FBXO11: variants seen among roughly 807,000 people sequenced by gnomAD.
FBXO11 encodes the protein F-box only protein 11.
In FBXO11, 13 loss-of-function variants were observed where a neutral mutation model predicts 117.0. That is an observed-to-expected ratio of 0.11 (90% CI 0.07 to 0.18). FBXO11 has a LOEUF of 0.18. FBXO11 is among the 10% of genes least tolerant of loss of function. The probability of loss-of-function intolerance (pLI) is 1.00; values close to 1 mark genes in which losing one functional copy is unlikely to be tolerated. For missense variants in FBXO11, 767 were observed against 1,164.4 expected, an observed-to-expected ratio of 0.66 and a Z score of 4.97; for synonymous variants, 490 against 380.5, an observed-to-expected ratio of 1.29 and a Z score of -3.35.
At position 47,905,634 on chromosome 2, in the gene FBXO11, C is replaced by CTGCGGGGGCTGCTGCTGCTGT; in HGVS notation, c.66_86dup (p.Gln24_Gln30dup). The CTGCGGGGGCTGCTGCTGCTGT allele has an allele frequency of 7.1e-7, 1 of 1,417,218 alleles. No homozygotes were observed. 87.8% of individuals were successfully genotyped at this position (1,417,218 alleles called of 1,614,324 possible). On this transcript the variant is annotated inframe_insertion, in exon 1 of 23. Coordinates refer to ENST00000403359, the MANE Select transcript of FBXO11 (RefSeq NM_001190274.2). ...GCTGGGGCGGCTGCGGCGGCGGCTGCTGCGGGGGCTGCTGCTGCTGTTGCT... is the reference window on the plus strand; with the variant it reads ...GCTGGGGCGGCTGCGGCGGCGGCTGCTGCGGGGGCTGCTGCTGCTGTTGCGGGGGCTGCTGCTGCTGTTGCT...
At chr2:47,900,096 G>A (rs916705726) in intron 1 of FBXO11, among the ~76,000 whole-genome samples, 2 of 152,080 alleles carry the variant, frequency 1.3e-5, no homozygotes, top group Admixed American at 1.3e-4. Context: ...AGGGAGAAAA[G>A]CAGGATAAGA....
At chr2:47,891,476 C>G (rs1355423185) in intron 1 of FBXO11, among the ~76,000 whole-genome samples, 1 of 152,200 alleles carries the variant, frequency 6.6e-6, no homozygotes, top group Non-Finnish European at 1.5e-5. Context: ...GAATAACATT[C>G]CATTGCATGT....
At chr2:47,887,346 T>C (rs1418560675) in intron 1 of FBXO11, among the ~76,000 whole-genome samples, 2 of 151,622 alleles carry the variant, frequency 1.3e-5, no homozygotes, top group Non-Finnish European at 2.9e-5. Context: ...TTTTTTTTTT[T>C]CTTTTCAAAA....
intron 17 of FBXO11, 141 bp downstream of exon 17, chr2:47,813,650 C>A: frequency 1.5e-6 from 1 of 655,324 alleles, no homozygotes; most frequent in East Asian, 3.0e-5. Context: ...CCAGGCTGGT[C>A]TTAAACTCCT....
intron 14 of FBXO11, 33 bp downstream of exon 14, chr2:47,820,329 T>C (rs780423522): frequency 7.8e-6 from 12 of 1,536,896 alleles, no homozygotes; most frequent in Non-Finnish European, 1.1e-5. Context: ...TTTTGATGCA[T>C]GAGTTTATAG....
chr2:47,902,458 T>C (rs548561196), intron 1 of FBXO11, among the ~76,000 whole-genome samples: 2 of 152,280 alleles, frequency 1.3e-5, no homozygotes, highest in African/African-American at 2.4e-5. Flanking sequence ...TTTTAATCTA[T>C]AGGGTCTAGT....
At chr2:47,811,118 T>G (rs985302040) in intron 18 of FBXO11, 3 of 152,256 alleles carry the variant, frequency 2.0e-5, no homozygotes, top group Non-Finnish European at 4.4e-5. Flanking sequence ...CTTCTTGGGG[T>G]CCTCCTCCTG....
intron 1 of FBXO11, among the ~76,000 whole-genome samples, chr2:47,851,617 A>C (rs1249741712): frequency 6.6e-6 from 1 of 152,224 alleles, no homozygotes; most frequent in Admixed American, 6.5e-5. Flanking sequence ...TATGTAAACA[A>C]ATAAAGCAAT....
At chr2:47,874,186 T>A (rs1675829521) in intron 1 of FBXO11, among the ~76,000 whole-genome samples, 1 of 152,108 alleles carries the variant, frequency 6.6e-6, no homozygotes, top group Non-Finnish European at 1.5e-5. Context: ...TGCACTCCAG[T>A]CCGGACGATA....
Position 47,855,069 on chromosome 2 carries a change from T to C in FBXO11, c.233-15300A>G, listed in dbSNP as rs566478061. 2.6e-5 allele frequency among the ~76,000 whole-genome samples: 4 copies of C among 152,262 alleles called. No individual in the cohort carries two copies. In the East Asian group the frequency reaches 7.7e-4, roughly 29 times the overall value. ...ACAAAATAGAACATGAAATCAGGAA[T>C]CACTTTCTAGAATTGTGAGATCACT... On this transcript the variant is annotated intron_variant, in intron 1 of 22. Coordinates refer to ENST00000403359, the MANE Select transcript of FBXO11 (RefSeq NM_001190274.2).
chr2:47,861,080 C>T (rs368557983), intron 1 of FBXO11, among the ~76,000 whole-genome samples: 2 of 150,620 alleles, frequency 1.3e-5, no homozygotes, highest in African/African-American at 2.4e-5. Flanking sequence ...GAACTCCCAA[C>T]CTCAGGTGAT....
chr2:47,884,259 A>G (rs1173603704), intron 1 of FBXO11, among the ~76,000 whole-genome samples: 3 of 152,092 alleles, frequency 2.0e-5, no homozygotes, highest in Non-Finnish European at 4.4e-5. Flanking sequence ...ATACAGAGAA[A>G]AGCTGGTTCC....
chr2:47,858,321 G>A (rs563066771), intron 1 of FBXO11, among the ~76,000 whole-genome samples: 1 of 151,378 alleles, frequency 6.6e-6, no homozygotes. Flanking sequence ...ACTTATCCAA[G>A]TTTTCATGTA....
intron 1 of FBXO11, among the ~76,000 whole-genome samples, chr2:47,851,362 G>T (rs576425179): frequency 6.6e-6 from 1 of 151,982 alleles, no homozygotes; most frequent in Non-Finnish European, 1.5e-5. Flanking sequence ...AAGTAGCTGG[G>T]ACTACTAATT....
At chr2:47,847,492 T>G (rs898978952) in intron 1 of FBXO11, among the ~76,000 whole-genome samples, 1 of 151,470 alleles carries the variant, frequency 6.6e-6, no homozygotes, top group Non-Finnish European at 1.5e-5. Context: ...GAGGATCATT[T>G]GAGGTCTGGA....
At position 47,807,847 on chromosome 2, in the gene FBXO11, G is replaced by T. The variant is rs1670330839; in HGVS notation, c.*271C>A. The stretch of plus-strand genomic sequence containing the variant: ...AAAAACACCAGCTTTTCAGAAGTTG[G>T]TATCTGTACAAAATTGCAGCTTATT... On this transcript the variant is annotated 3_prime_UTR_variant, in exon 23 of 23. Coordinates refer to ENST00000403359, the MANE Select transcript of FBXO11 (RefSeq NM_001190274.2). The T allele has an allele frequency of 1.9e-5, 6 of 315,894 alleles. No individual in the cohort carries two copies. Among genetic ancestry groups the T allele is most frequent in the Non-Finnish European group, 3.5e-5 (6 of 169,944 alleles). 19.6% of individuals were successfully genotyped at this position (315,894 alleles called of 1,614,324 possible).
chr2:47,852,115 G>A (rs553270451), intron 1 of FBXO11, among the ~76,000 whole-genome samples: 1 of 150,782 alleles, frequency 6.6e-6, no homozygotes, highest in Non-Finnish European at 1.5e-5. Context: ...TCAGCCTCCC[G>A]AATAGCTGGG....
intron 1 of FBXO11, among the ~76,000 whole-genome samples, chr2:47,898,163 G>C (rs185428054): frequency 3.2e-4 from 48 of 152,210 alleles, no homozygotes; most frequent in Non-Finnish European, 5.6e-4. Flanking sequence ...TATCTTATTC[G>C]GGGTGTTTAA....
Position 47,813,449 on chromosome 2 carries a change from GAGAC to G in FBXO11, c.2084-76_2084-73del, listed in dbSNP as rs1670773803. Reference sequence around the variant, plus strand: ...AATTTTTTTTTTTTTTTTTTTTTTTGAGACAGAGTCTCGCTCTGTTGCCAGGCTG... The same window carrying G: ...AATTTTTTTTTTTTTTTTTTTTTTTGAGAGTCTCGCTCTGTTGCCAGGCTG... On this transcript the variant is annotated intron_variant, in intron 17 of 22. Transcript: ENST00000403359. 4.7e-5 allele frequency: 7 copies of G among 149,396 alleles called. No homozygotes were observed. In the South Asian group the frequency reaches 7.1e-4, roughly 15 times the overall value. 9.3% of individuals were successfully genotyped at this position (149,396 alleles called of 1,614,324 possible). A position where few individuals can be genotyped will look rare whatever the true frequency, so the allele number is the denominator to read the frequency against.
Sources: gnomAD v4.1 joint callset for allele counts (sites outside exome capture counted in the v4.1 genomes callset) on GRCh38, gnomAD v4.1.1 for gene constraint, MANE v1.5 for transcripts, NCBI Gene and HGNC (gene_info 2026-07-23, HGNC 2026-07-21) for gene names.